CAMSAP1: variants seen among roughly 807,000 people sequenced by gnomAD.
CAMSAP1 encodes the protein calmodulin-regulated spectrin-associated protein 1.
In CAMSAP1, 58 loss-of-function variants were observed where a neutral mutation model predicts 143.5. The observed-to-expected ratio is 0.40, with a 90% CI of 0.33 to 0.50. CAMSAP1 has a LOEUF of 0.50. Ranked by LOEUF, CAMSAP1 falls within the 20% of genes least tolerant of loss-of-function variation. The pLI, the probability that CAMSAP1 is intolerant of heterozygous loss-of-function variation, is 0.45. For missense variants in CAMSAP1, 1,969 were observed against 2,115.7 expected (o/e 0.93, Z 1.36); for synonymous variants, 945 against 859.3 (o/e 1.10, Z -1.74).
chr9:135,886,433 TA>T (rs1838125640), intron 1 of CAMSAP1, among the ~76,000 whole-genome samples: 1 of 151,884 alleles, frequency 6.6e-6, no homozygotes, highest in African/African-American at 2.4e-5. Flanking sequence ...AAGCAGCCAG[TA>T]GGGGGGTGGG....
chr9:135,823,936 A>C lies in CAMSAP1; in HGVS notation c.1400+14T>G, dbSNP rs370069152. ...AACATTCCAAACAGAAACACTGCTG[A>C]AACACAGACTCACCTGGTTTTTTTT... On this transcript the variant is annotated intron_variant, in intron 10 of 16. Coordinates refer to ENST00000389532, the MANE Select transcript of CAMSAP1 (RefSeq NM_015447.4). The C allele has an allele frequency of 6.4e-7, 1 of 1,564,136 alleles. No individual in the cohort carries two copies. Among genetic ancestry groups the C allele is most frequent in the African/African-American group, 1.4e-5 (1 of 73,714 alleles).
chr9:135,854,599 A>G (rs1447909723), intron 5 of CAMSAP1, among the ~76,000 whole-genome samples: 1 of 151,852 alleles, frequency 6.6e-6, no homozygotes, highest in Non-Finnish European at 1.5e-5. Context: ...AGTATCTGGG[A>G]CTACAGGTGC....
intron 1 of CAMSAP1, among the ~76,000 whole-genome samples, chr9:135,904,196 T>C (rs1838698729): frequency 6.6e-6 from 1 of 151,604 alleles, no homozygotes; most frequent in African/African-American, 2.4e-5. Flanking sequence ...GACCCCATTT[T>C]TACAAAAATA....
At position 135,850,192 on chromosome 9, in the gene CAMSAP1, G is replaced by C; in HGVS notation, c.990C>G (p.Phe330Leu). The C allele has an allele frequency of 6.2e-7, 1 of 1,612,412 alleles. No homozygotes were observed. The highest frequency in any genetic ancestry group is 8.5e-7 in the Non-Finnish European group (1 of 1,179,374). The change falls in exon 7 of 17, where the codon TTC becomes TTG. Residue 330 changes from phenylalanine (F) to leucine (L), a missense_variant. By Grantham distance (22) the Phe-to-Leu change is conservative. Transcript: ENST00000389532. ...GAACAAAATCTGGCTTGACATTCTC[G>C]AACCACCAAAAAAGCTCCGCAATAA... ...MVFIAELFWWFENVKPDFVQP... is the reference protein window; with the variant it reads ...MVFIAELFWWLENVKPDFVQP...
In CAMSAP1 at chr9:135,821,571, G is replaced by A. The variant is rs1441328541; in HGVS notation, c.3090C>T (p.Thr1030=). 2 of 1,614,018 alleles carry A rather than the reference G, an allele frequency of 1.2e-6. No homozygotes were observed. The highest frequency in any genetic ancestry group is 1.7e-6 in the Non-Finnish European group (2 of 1,179,898). Residue 1030 remains threonine (T), a synonymous_variant, in exon 11 of 17, where the codon ACC becomes ACT. Coordinates refer to ENST00000389532, the MANE Select transcript of CAMSAP1 (RefSeq NM_015447.4). The surrounding 1 kb of genome is among the most constrained non-coding windows in gnomAD (Gnocchi z 4.6). ...GGATGGCCTGCTGCAGCGTACTGAT[G>A]GTTTCGTTAAGCTTCTCGATGGAAA... The part of the protein sequence containing the change: ...CDLSIEKLNE[T]ISTLQQAILK...
intron 7 of CAMSAP1, among the ~76,000 whole-genome samples, chr9:135,841,337 G>C (rs1481135100): frequency 6.6e-6 from 1 of 152,180 alleles, no homozygotes; most frequent in Non-Finnish European, 1.5e-5. Context: ...TGAAAGAAAA[G>C]TATTAGCCCT....
At chr9:135,816,346 A>G (rs1415007282) in intron 14 of CAMSAP1, among the ~76,000 whole-genome samples, 1 of 152,186 alleles carries the variant, frequency 6.6e-6, no homozygotes, top group Non-Finnish European at 1.5e-5. Context: ...TGGCTCAGGA[A>G]GCCAGAGGAT....
chr9:135,840,618 G>C (rs1247193276), intron 7 of CAMSAP1, among the ~76,000 whole-genome samples: 3 of 151,546 alleles, frequency 2.0e-5, no homozygotes, highest in Non-Finnish European at 2.9e-5. Flanking sequence ...GCAGCTCCCA[G>C]CAAGATCAAC....
intron 1 of CAMSAP1, among the ~76,000 whole-genome samples, chr9:135,892,681 T>C (rs2131009585): frequency 6.6e-6 from 1 of 151,398 alleles, no homozygotes; most frequent in African/African-American, 2.4e-5. Context: ...TGAAACCCCG[T>C]CTCTACTAAA....
chr9:135,810,390 C>T lies in CAMSAP1; in HGVS notation c.*919G>A, dbSNP rs1835004725. 6.6e-6 allele frequency: 1 copy of T among 152,214 alleles called. No homozygotes were observed. The highest frequency in any genetic ancestry group is 1.5e-5 in the Non-Finnish European group (1 of 68,030). The allele number at this position is 152,214 out of a possible 1,614,324, so 9.4% of individuals were successfully genotyped here. On this transcript the variant is annotated 3_prime_UTR_variant, in exon 17 of 17. Transcript: ENST00000389532. ...GGGACTGTCAGCTTAAGTGCATCAC[C>T]TTTTGGGACAAACATGCTCAGAATG...
Position 135,891,138 on chromosome 9 carries a change from G to A in CAMSAP1, c.161-8060C>T, listed in dbSNP as rs555297470. On this transcript the variant is annotated intron_variant, in intron 1 of 16. Coordinates refer to ENST00000389532, the MANE Select transcript of CAMSAP1 (RefSeq NM_015447.4). Reference sequence around the variant, plus strand: ...GAAACCCTGTCTTTCTCTGGCTAGAGGACGAGGAAAAGGGGCCCCTACAAG... The same window carrying A: ...GAAACCCTGTCTTTCTCTGGCTAGAAGACGAGGAAAAGGGGCCCCTACAAG... Among the ~76,000 whole-genome samples the A allele has an allele frequency of 5.3e-5, 8 of 152,306 alleles. No individual in the cohort carries two copies. In the East Asian group the frequency reaches 9.7e-4, roughly 18 times the overall value.
intron 8 of CAMSAP1, 42 bp downstream of exon 8, chr9:135,827,365 C>T (rs769500707): frequency 5.6e-6 from 8 of 1,430,394 alleles, no homozygotes; most frequent in East Asian, 2.4e-5. Context: ...AAAAGGGACA[C>T]AAGATGGTGA....
At chr9:135,850,090 G>A in intron 7 of CAMSAP1, 47 bp downstream of exon 7, 1 of 1,467,798 alleles carries the variant, frequency 6.8e-7, no homozygotes, top group Non-Finnish European at 9.3e-7. Flanking sequence ...TGATACTCTA[G>A]GCTCTCAAGG....
chr9:135,897,259 C>A (rs1281035358), intron 1 of CAMSAP1, among the ~76,000 whole-genome samples: 1 of 151,962 alleles, frequency 6.6e-6, no homozygotes, highest in African/African-American at 2.4e-5. Flanking sequence ...CTCAAACGAT[C>A]CTCCCACCTC....
At chr9:135,899,250 G>C (rs1838546937) in intron 1 of CAMSAP1, among the ~76,000 whole-genome samples, 1 of 151,980 alleles carries the variant, frequency 6.6e-6, no homozygotes, top group Admixed American at 6.5e-5. Context: ...AAACATGTGT[G>C]CTTTACCAGA....
At position 135,883,188 on chromosome 9, in the gene CAMSAP1, A is replaced by T. The variant is rs1049655147; in HGVS notation, c.161-110T>A. The T allele has an allele frequency of 4.9e-5, 58 of 1,181,640 alleles. No individual in the cohort carries two copies. In the Middle Eastern group the frequency reaches 1.1e-3, roughly 21 times the overall value. 73.2% of individuals were successfully genotyped at this position (1,181,640 alleles called of 1,614,324 possible). ...GCCACTGTACTCCAGCCTGGGCAAC[A>T]CAGGGAGACCAAGTGTCAAAAAAAA... On this transcript the variant is annotated intron_variant, in intron 1 of 16. Transcript: ENST00000389532.
chr9:135,838,466 TACAG>T (rs1276800700), intron 7 of CAMSAP1, among the ~76,000 whole-genome samples: 1 of 134,824 alleles, frequency 7.4e-6, no homozygotes, highest in Non-Finnish European at 1.5e-5. Context: ...CCACCTGTTC[TACAG>T]ACACACATCA....
intron 1 of CAMSAP1, among the ~76,000 whole-genome samples, chr9:135,895,436 C>T (rs1489299690): frequency 2.0e-5 from 3 of 152,124 alleles, no homozygotes; most frequent in African/African-American, 7.2e-5. Context: ...TTTTCAAGTG[C>T]TGAAGGAAAA....
Position 135,818,191 on chromosome 9 carries a change from G to A in CAMSAP1, c.4169-112C>T, listed in dbSNP as rs1835311019. 5 of 1,231,092 alleles carry A rather than the reference G, an allele frequency of 4.1e-6. No homozygotes were observed. Among genetic ancestry groups the A allele is most frequent in the African/African-American group, 1.5e-5 (1 of 67,216 alleles). The allele number at this position is 1,231,092 out of a possible 1,614,324, so 76.3% of individuals were successfully genotyped here. ...CCTGCAGAGCTCGGCCACACAGGCC[G>A]CGTCCCCACCCCATCCCGGGGAGCC... On this transcript the variant is annotated intron_variant, in intron 13 of 16. Transcript: ENST00000389532. The surrounding 1 kb of genome is among the most constrained non-coding windows in gnomAD (Gnocchi z 7.7).
Sources: allele counts gnomAD v4.1 joint callset (sites outside exome capture counted in the v4.1 genomes callset), GRCh38; gene constraint gnomAD v4.1.1; non-coding constraint Gnocchi (gnomAD v3.1); transcripts MANE v1.5; gene names NCBI Gene and HGNC (gene_info 2026-07-23, HGNC 2026-07-21).